The following BNC2 variants were observed in gnomAD, a reference collection of about 807,000 sequenced individuals.
BNC2 encodes basonuclin zinc finger protein 2.
A neutral mutation model predicts 76.3 loss-of-function variants in BNC2; 20 were observed. The ratio of observed to expected loss-of-function variants is 0.26; its 90% CI spans 0.18 to 0.38. The LOEUF (loss-of-function observed/expected upper bound fraction) is 0.38, where lower values mean the gene tolerates loss of function less well. Among genes scored for constraint, BNC2 ranks in the 10% least tolerant of loss-of-function variants. The pLI is 1.00. For synonymous variants in BNC2, 582 were observed against 514.8 expected (o/e 1.13, Z -1.77); for missense variants, 1,382 against 1,399.8 (o/e 0.99, Z 0.20).
At chr9:16,682,412 G>A (rs1340469557) in intron 3 of BNC2, among the ~76,000 whole-genome samples, 1 of 151,726 alleles carries the variant, frequency 6.6e-6, no homozygotes, top group East Asian at 1.9e-4. Flanking sequence ...TCATCTCCGT[G>A]ATTCCAGAAG....
intron 1 of BNC2, among the ~76,000 whole-genome samples, chr9:16,812,869 T>TA (rs1484462915): frequency 6.6e-6 from 1 of 152,198 alleles, no homozygotes; most frequent in Non-Finnish European, 1.5e-5. Context: ...TAGTATATTT[T>TA]AGTGTCTCTG....
intron 3 of BNC2, among the ~76,000 whole-genome samples, chr9:16,660,544 G>A (rs1335806355): frequency 6.6e-6 from 1 of 151,938 alleles, no homozygotes; most frequent in African/African-American, 2.4e-5. Flanking sequence ...AGCTGCCTAA[G>A]GTATCCAATA....
intron 1 of BNC2, among the ~76,000 whole-genome samples, chr9:16,858,270 A>G (rs1255523848): frequency 6.6e-6 from 1 of 152,216 alleles, no homozygotes; most frequent in Non-Finnish European, 1.5e-5. Context: ...TGTGTCTCTT[A>G]TCATACGGAA....
chr9:16,656,641 T>G (rs1329212179), intron 3 of BNC2, among the ~76,000 whole-genome samples: 5 of 152,196 alleles, frequency 3.3e-5, no homozygotes, highest in Admixed American at 6.5e-5. Context: ...TCCAAAAGCT[T>G]CCATGTGGAC....
chr9:16,606,400 A>G (rs776680269), intron 3 of BNC2, among the ~76,000 whole-genome samples: 2 of 152,170 alleles, frequency 1.3e-5, no homozygotes, highest in South Asian at 2.1e-4. Flanking sequence ...CCCCAACCAA[A>G]TCTCATCTTG....
intron 6 of BNC2, among the ~76,000 whole-genome samples, chr9:16,427,469 C>G (rs940104481): frequency 6.6e-6 from 1 of 152,214 alleles, no homozygotes; most frequent in African/African-American, 2.4e-5. Context: ...CAATCCTTCT[C>G]TTGAAGGAGC....
chr9:16,472,959 C>T (rs1821855820), intron 5 of BNC2, among the ~76,000 whole-genome samples: 1 of 152,150 alleles, frequency 6.6e-6, no homozygotes, highest in Non-Finnish European at 1.5e-5. Flanking sequence ...CACAGAGAGG[C>T]AGCAGCTGTA....
chr9:16,781,112 A>G (rs1324744739), intron 1 of BNC2, among the ~76,000 whole-genome samples: 2 of 151,970 alleles, frequency 1.3e-5, no homozygotes, highest in Non-Finnish European at 2.9e-5. Context: ...TAATTGTTTC[A>G]TGTTTTTATT....
chr9:16,577,520 A>C (rs1819519752), intron 4 of BNC2, among the ~76,000 whole-genome samples: 1 of 152,174 alleles, frequency 6.6e-6, no homozygotes, highest in Non-Finnish European at 1.5e-5. Flanking sequence ...ACAATCCTTC[A>C]TGTATGAGAT....
chr9:16,693,212 C>T (rs1487643996), intron 3 of BNC2, among the ~76,000 whole-genome samples: 2 of 150,382 alleles, frequency 1.3e-5, no homozygotes, highest in Non-Finnish European at 3.0e-5. Flanking sequence ...CCTCCTGCAA[C>T]CAACCGTTTC....
Position 16,727,936 on chromosome 9 carries a change from C to T in BNC2, c.191G>A (p.Arg64Lys). Residue 64 changes from arginine to lysine, a missense_variant, in exon 3 of 7, where the codon AGG (arginine) becomes AAG (lysine). Physicochemically the swap from Arg to Lys is conservative, Grantham distance 26 (BLOSUM62 2). Transcript: ENST00000380672. ...RETQRDREPK[R>K]ARDLTLRDSC... is the part of the protein sequence containing the mutation. Reference sequence around the variant, plus strand: ...GTCTCTTAAAGTCAAGTCTCTTGCCCTCTTTGGCTCTCTGTCTCTCTGTGT... The same window carrying T: ...GTCTCTTAAAGTCAAGTCTCTTGCCTTCTTTGGCTCTCTGTCTCTCTGTGT... The T allele has an allele frequency of 6.2e-7, 1 of 1,614,078 alleles. No homozygotes were observed. Among genetic ancestry groups the T allele is most frequent in the Non-Finnish European group, 8.5e-7 (1 of 1,180,018 alleles).
At chr9:16,560,047 G>A (rs1314559332) in intron 4 of BNC2, among the ~76,000 whole-genome samples, 2 of 152,214 alleles carry the variant, frequency 1.3e-5, no homozygotes, top group East Asian at 3.9e-4. Context: ...ACGGAACTAA[G>A]GCAGTGATTC....
chr9:16,844,026 G>A (rs945956835), intron 1 of BNC2, among the ~76,000 whole-genome samples: 4 of 152,048 alleles, frequency 2.6e-5, no homozygotes, highest in Admixed American at 6.5e-5. Context: ...TCACACCTAC[G>A]AAGCACGAGG....
chr9:16,440,021 A>G (rs1821094449), intron 5 of BNC2, among the ~76,000 whole-genome samples: 1 of 152,260 alleles, frequency 6.6e-6, no homozygotes, highest in East Asian at 1.9e-4. Context: ...AGTTGGTATC[A>G]TTCACATTCT....
chr9:16,729,170 A>G (rs1824437096), intron 2 of BNC2, among the ~76,000 whole-genome samples: 1 of 152,224 alleles, frequency 6.6e-6, no homozygotes, highest in Non-Finnish European at 1.5e-5. Context: ...TGTCTGCCTT[A>G]TTTATGGAAA....
chr9:16,671,151 G>C (rs1251840148), intron 3 of BNC2, among the ~76,000 whole-genome samples: 2 of 152,108 alleles, frequency 1.3e-5, no homozygotes, highest in Non-Finnish European at 2.9e-5. Context: ...CTTTGTGTTG[G>C]TTTTCCCTGG....
At chr9:16,528,425 C>G (rs750145674) in intron 5 of BNC2, among the ~76,000 whole-genome samples, 39 of 152,084 alleles carry the variant, frequency 2.6e-4, no homozygotes, top group Non-Finnish European at 5.0e-4. Flanking sequence ...AGCTTTCAGG[C>G]TTTTCAGAAC....
At chr9:16,773,794 T>C (rs1166756007) in intron 1 of BNC2, among the ~76,000 whole-genome samples, 1 of 152,138 alleles carries the variant, frequency 6.6e-6, no homozygotes, top group Non-Finnish European at 1.5e-5. Context: ...ACATGCCAAA[T>C]GACCTCTACA....
At chr9:16,569,782 C>G (rs1189187801) in intron 4 of BNC2, among the ~76,000 whole-genome samples, 1 of 152,158 alleles carries the variant, frequency 6.6e-6, no homozygotes, top group African/African-American at 2.4e-5. Context: ...GACAGTAGAT[C>G]TAAGAAGAGA....
Sources: gnomAD v4.1 joint callset for allele counts (sites outside exome capture counted in the v4.1 genomes callset) on GRCh38, gnomAD v4.1.1 for gene constraint, MANE v1.5 for transcripts, NCBI Gene and HGNC (gene_info 2026-07-23, HGNC 2026-07-21) for gene names.